Variants in PCDHA4 observed in about 807,000 individuals in gnomAD.
PCDHA4 encodes protocadherin alpha-4.
In PCDHA4, 49 loss-of-function variants were observed where a neutral mutation model predicts 61.4. That is an observed-to-expected ratio of 0.80 (90% confidence interval 0.63 to 1.01). The LOEUF (loss-of-function observed/expected upper bound fraction) is 1.01. Among genes scored for constraint, PCDHA4 ranks in the 50% least tolerant of loss-of-function variants. PCDHA4 has a pLI of 0.00. For synonymous variants in PCDHA4, 590 were observed against 550.3 expected (o/e 1.07, Z -1.01); for missense variants, 1,254 against 1,235.8 (o/e 1.01, Z -0.22).
At position 140,928,355 on chromosome 5, in the gene PCDHA4, T is replaced by C. The variant is rs368876306; in HGVS notation, c.2386-50594T>C. On this transcript the variant is annotated intron_variant, in intron 1 of 3. Coordinates refer to ENST00000530339, the MANE Select transcript of PCDHA4 (RefSeq NM_018907.4). ...GTCTCTTATGAGCTGTTGGATGTTA[T>C]CTCTGAAGGGCCATCAGCCTCTAGC... 8.1e-6 allele frequency: 13 copies of C among 1,614,062 alleles called. No individual in the cohort carries two copies. The African/African-American group carries it at 1.6e-4, about 20-fold the overall frequency.
chr5:140,830,075 A>ACC, intron 1 of PCDHA4: 1 of 1,613,594 alleles, frequency 6.2e-7, no homozygotes, highest in Non-Finnish European at 8.5e-7. Context: ...GCTGACAGCG[A>ACC]CGGCCACGGT....
chr5:140,928,000 G>C, intron 1 of PCDHA4: 1 of 1,614,166 alleles, frequency 6.2e-7, no homozygotes. Flanking sequence ...TGAAGACCTC[G>C]ATTCTAATGG....
At chr5:141,001,953 G>C (rs55743067) in intron 3 of PCDHA4, among the ~76,000 whole-genome samples, 27 of 152,290 alleles carry the variant, frequency 1.8e-4, no homozygotes, top group Non-Finnish European at 3.5e-4. Context: ...AAGGAGGAGG[G>C]AGAGGCGGGG....
intron 1 of PCDHA4, chr5:140,863,799 G>T: frequency 4.7e-6 from 1 of 212,460 alleles, no homozygotes; most frequent in Non-Finnish European, 9.6e-6. Context: ...AGGAGTTTGA[G>T]ACCAGCCTGG....
At position 140,809,489 on chromosome 5, in the gene PCDHA4, G is replaced by C; in HGVS notation, c.2302G>C (p.Asp768His). The change falls in exon 1 of 4, where the codon GAC becomes CAC. Residue 768 changes from aspartate to histidine, a missense_variant. Asp to His is a moderately conservative substitution (Grantham distance 81). Transcript: ENST00000530339. ...CTCTGGTGAGGGCCCACCCAAGACC[G>C]ACCTCATGGCCTTCAGCCCCAGTTT... ...VCSGEGPPKT[D>H]LMAFSPSLPD... 2 of 1,614,246 alleles carry C rather than the reference G, an allele frequency of 1.2e-6. No homozygotes were observed. The highest frequency in any genetic ancestry group is 8.5e-7 in the Non-Finnish European group (1 of 1,180,046).
chr5:140,917,333 G>T (rs1301739777), intron 1 of PCDHA4, among the ~76,000 whole-genome samples: 6 of 148,632 alleles, frequency 4.0e-5, no homozygotes, highest in East Asian at 2.0e-4. Context: ...GCGGGGGAGG[G>T]GGGGGATGGT....
At chr5:140,985,154 G>T (rs2097139142) in intron 3 of PCDHA4, among the ~76,000 whole-genome samples, 1 of 152,086 alleles carries the variant, frequency 6.6e-6, no homozygotes, top group South Asian at 2.1e-4. Flanking sequence ...AGCCAGGATT[G>T]TCTCAATCTC....
chr5:140,870,175 G>C (rs2051727190), intron 1 of PCDHA4: 1 of 1,614,012 alleles, frequency 6.2e-7, no homozygotes, highest in South Asian at 1.1e-5. Context: ...GTCCCTCCCA[G>C]TACGAGAGGA....
At chr5:140,837,516 C>CGT (rs149634951) in intron 1 of PCDHA4, among the ~76,000 whole-genome samples, 1 of 151,568 alleles carries the variant, frequency 6.6e-6, no homozygotes. Flanking sequence ...AAGCAGTTTA[C>CGT]TTTTTTTGTA....
chr5:140,919,660 T>C (rs561238136), intron 1 of PCDHA4, among the ~76,000 whole-genome samples: 1 of 152,360 alleles, frequency 6.6e-6, no homozygotes, highest in African/African-American at 2.4e-5. Flanking sequence ...TTACCATATA[T>C]ATTTTAGCTT....
chr5:140,841,732 C>G, intron 1 of PCDHA4: 7 of 1,613,858 alleles, frequency 4.3e-6, no homozygotes, highest in Non-Finnish European at 5.9e-6. Flanking sequence ...GGGTAAAAGA[C>G]CAAAAGCTGT....
intron 1 of PCDHA4, among the ~76,000 whole-genome samples, chr5:140,953,567 C>G (rs1385823859): frequency 6.6e-6 from 1 of 152,018 alleles, no homozygotes; most frequent in Non-Finnish European, 1.5e-5. Flanking sequence ...TTTTAGTGCC[C>G]TCCTCTCCCA....
chr5:140,842,399 C>G, intron 1 of PCDHA4: 1 of 1,611,446 alleles, frequency 6.2e-7, no homozygotes, highest in Non-Finnish European at 8.5e-7. Flanking sequence ...CTTGCCTGTA[C>G]GTGAAGACGC....
intron 2 of PCDHA4, among the ~76,000 whole-genome samples, chr5:140,981,681 C>T (rs1187108666): frequency 6.6e-6 from 1 of 152,064 alleles, no homozygotes; most frequent in Non-Finnish European, 1.5e-5. Context: ...TTCCTTCCTC[C>T]CTTCCATCAT....
rs781840544 is a variant in PCDHA4 at position 140,808,501 on chromosome 5, G to T, written c.1314G>T (p.Thr438=). ...GGGGCTCGCCTTCGCTGTGGGCCAC[G>T]GCCAGTGTTTCTGTGGAGGTGGCTG... ...RDGGSPSLWA[T]ASVSVEVADV... is the part of the protein sequence containing the mutation. Residue 438 remains threonine, a synonymous_variant, in exon 1 of 4, where the codon ACG becomes ACT. Transcript: ENST00000530339. 5 of 1,614,178 alleles carry T rather than the reference G, an allele frequency of 3.1e-6. No individual in the cohort carries two copies. Among genetic ancestry groups the T allele is most frequent in the African/African-American group, 1.3e-5 (1 of 75,074 alleles).
At chr5:140,871,729 G>A in intron 1 of PCDHA4, 1 of 714,516 alleles carries the variant, frequency 1.4e-6, no homozygotes, top group Non-Finnish European at 2.2e-6. Flanking sequence ...TTAATATTTG[G>A]TTAGCAAATC....
intron 1 of PCDHA4, chr5:140,882,132 A>G: frequency 6.8e-7 from 1 of 1,475,878 alleles, no homozygotes; most frequent in Non-Finnish European, 9.1e-7. Flanking sequence ...TTCTTCCTGC[A>G]GAAAATATAG....
At chr5:140,830,133 G>T (rs1770838333) in intron 1 of PCDHA4, 1 of 1,613,342 alleles carries the variant, frequency 6.2e-7, no homozygotes, top group African/African-American at 1.3e-5. Flanking sequence ...GCGTCATCAC[G>T]GGCGTCGGTG....
intron 1 of PCDHA4, among the ~76,000 whole-genome samples, chr5:140,972,609 A>G (rs1344399252): frequency 1.3e-5 from 2 of 151,526 alleles, no homozygotes; most frequent in Non-Finnish European, 2.9e-5. Flanking sequence ...TCTGAACTTG[A>G]TACTGAATGT....
Sources: gnomAD v4.1 joint callset for allele counts (sites outside exome capture counted in the v4.1 genomes callset) on GRCh38, gnomAD v4.1.1 for gene constraint, MANE v1.5 for transcripts, NCBI Gene and HGNC (gene_info 2026-07-23, HGNC 2026-07-21) for gene names.